Variants in DNAH6 observed in about 807,000 individuals in gnomAD.
DNAH6 encodes the protein dynein axonemal heavy chain 6.
A neutral mutation model predicts 491.4 loss-of-function variants in DNAH6; 340 were observed. The ratio of observed to expected loss-of-function variants is 0.69; its 90% CI spans 0.63 to 0.76. The LOEUF is 0.76. DNAH6 is among the 30% of genes least tolerant of loss of function. The probability of loss-of-function intolerance (pLI) is 0.00; values close to 1 mark genes in which losing one functional copy is unlikely to be tolerated. For synonymous variants in DNAH6, 1,603 were observed against 1,686.1 expected, an observed-to-expected ratio of 0.95 and a Z score of 1.21; for missense variants, 4,443 against 4,972.2, an observed-to-expected ratio of 0.89 and a Z score of 3.20.
At chr2:84,610,729 A>C (rs1397603368) in intron 21 of DNAH6, among the ~76,000 whole-genome samples, 1 of 152,242 alleles carries the variant, frequency 6.6e-6, no homozygotes, top group Non-Finnish European at 1.5e-5. Context: ...AAGAGGGAAA[A>C]GATAACCTGT....
At chr2:84,530,460 A>G (rs1191518831) in intron 4 of DNAH6, among the ~76,000 whole-genome samples, 2 of 152,158 alleles carry the variant, frequency 1.3e-5, no homozygotes, top group Admixed American at 1.3e-4. Flanking sequence ...CTCAAAGGGC[A>G]AAGAGGAGGC....
At chr2:84,721,553 G>A (rs968376298) in intron 59 of DNAH6, among the ~76,000 whole-genome samples, 3 of 152,118 alleles carry the variant, frequency 2.0e-5, no homozygotes, top group Non-Finnish European at 4.4e-5. Flanking sequence ...TATTGGTAGT[G>A]TAAAATACAC....
chr2:84,707,759 G>A (rs1256809509), intron 54 of DNAH6, 43 bp downstream of exon 54: 8 of 1,485,492 alleles, frequency 5.4e-6, no homozygotes, highest in African/African-American at 4.2e-5. Flanking sequence ...AGAAGCAGCT[G>A]AAACTGGAGC....
intron 29 of DNAH6, among the ~76,000 whole-genome samples, chr2:84,630,904 G>A (rs1386905808): frequency 1.3e-5 from 2 of 152,136 alleles, no homozygotes; most frequent in Admixed American, 6.5e-5. Context: ...TTTAAGCTGG[G>A]TGGCATATAC....
intron 37 of DNAH6, among the ~76,000 whole-genome samples, chr2:84,661,368 C>G (rs964035340): frequency 2.0e-5 from 3 of 151,812 alleles, no homozygotes; most frequent in Admixed American, 2.0e-4. Flanking sequence ...ATAAGACATA[C>G]AAACTTTGGA....
intron 70 of DNAH6, among the ~76,000 whole-genome samples, chr2:84,798,934 T>C (rs1678608507): frequency 6.6e-6 from 1 of 151,748 alleles, no homozygotes; most frequent in South Asian, 2.1e-4. Flanking sequence ...AGGAAGAATA[T>C]GGCATAGGTT....
intron 13 of DNAH6, among the ~76,000 whole-genome samples, chr2:84,579,271 GA>G (rs1318641322): frequency 6.6e-6 from 1 of 152,212 alleles, no homozygotes; most frequent in Non-Finnish European, 1.5e-5. Context: ...ATAGGACAAA[GA>G]AGCAGAAAGC....
At chr2:84,548,698 G>A (rs982060450) in intron 8 of DNAH6, among the ~76,000 whole-genome samples, 1 of 152,116 alleles carries the variant, frequency 6.6e-6, no homozygotes, top group Non-Finnish European at 1.5e-5. Context: ...TGTGGGACAT[G>A]GTAACCTGAA....
chr2:84,528,800 T>C, intron 3 of DNAH6, 104 bp from the exon 4 acceptor site: 1 of 1,138,978 alleles, frequency 8.8e-7, no homozygotes, highest in Non-Finnish European at 1.2e-6. Context: ...GCCCTAGACA[T>C]CTCATGCAAT....
chr2:84,816,535 C>A (rs1680502587), intron 76 of DNAH6, among the ~76,000 whole-genome samples: 1 of 152,148 alleles, frequency 6.6e-6, no homozygotes, highest in Admixed American at 6.6e-5. Flanking sequence ...ACTAGCCTGA[C>A]CAACATAGTG....
At chr2:84,628,105 G>T (rs1030319691) in intron 29 of DNAH6, among the ~76,000 whole-genome samples, 8 of 152,032 alleles carry the variant, frequency 5.3e-5, no homozygotes, top group African/African-American at 1.9e-4. Flanking sequence ...TGGCAAAGTG[G>T]GTTCAAGTGA....
chr2:84,478,854 G>A, the DNAH6 span, among the ~76,000 whole-genome samples: 2 of 152,182 alleles, frequency 1.3e-5, no homozygotes, highest in Non-Finnish European at 2.9e-5. Flanking sequence ...ATGAATTGAA[G>A]ATGGTAAATG....
intron 64 of DNAH6, among the ~76,000 whole-genome samples, chr2:84,770,285 G>A (rs908966074): frequency 6.6e-6 from 1 of 152,094 alleles, no homozygotes; most frequent in Non-Finnish European, 1.5e-5. Context: ...TATTCTAAAT[G>A]TCTGCTTTTC....
intron 4 of DNAH6, among the ~76,000 whole-genome samples, chr2:84,540,445 A>G (rs1318056998): frequency 2.0e-5 from 3 of 152,222 alleles, no homozygotes; most frequent in Non-Finnish European, 4.4e-5. Flanking sequence ...AAGGATGAAT[A>G]GAAGCATTTT....
At chr2:84,673,566 A>G in intron 40 of DNAH6, among the ~76,000 whole-genome samples, 1 of 152,216 alleles carries the variant, frequency 6.6e-6, no homozygotes, top group South Asian at 2.1e-4. Context: ...GGAGTTTATT[A>G]AGTATTAACT....
chr2:84,642,653 C>A (rs1689529346), intron 33 of DNAH6, among the ~76,000 whole-genome samples: 1 of 151,808 alleles, frequency 6.6e-6, no homozygotes, highest in Non-Finnish European at 1.5e-5. Context: ...CTAGATTTTG[C>A]AATATACATT....
the DNAH6 span, among the ~76,000 whole-genome samples, chr2:84,491,519 A>G: frequency 6.1e-3 from 926 of 152,324 alleles, 6 homozygotes; most frequent in Non-Finnish European, 8.9e-3. Context: ...AATGAGACAT[A>G]AGTCCAAATC....
rs553087327 is a variant in DNAH6, at chr2:84,815,130, CA to C, written c.12151-726del. On this transcript the variant is annotated intron_variant, in intron 75 of 76. Coordinates refer to ENST00000389394, the MANE Select transcript of DNAH6 (RefSeq NM_001370.2). ...AACCTGCATAAACATATGTGCAGCCCAAAAACAGGAAGTCCCATCCTGCTGC... is the reference window on the plus strand; with the variant it reads ...AACCTGCATAAACATATGTGCAGCCCAAAACAGGAAGTCCCATCCTGCTGC... Among the ~76,000 whole-genome samples the C allele has an allele frequency of 3.9e-5, 6 of 152,270 alleles. No individual in the cohort carries two copies. The East Asian group carries it at 1.2e-3, about 29-fold the overall frequency.
rs111949149 is a variant in DNAH6 at position 84,772,476 on chromosome 2, A to G, written c.10704-9017A>G. 3.0e-3 allele frequency among the ~76,000 whole-genome samples: 463 copies of G among 152,228 alleles called. 4 individuals are homozygous for G. Among genetic ancestry groups the G allele is most frequent in the African/African-American group, 0.011 (451 of 41,580 alleles). ...CTACAAGAGATTCACGTTAGATCCA[A>G]CCAGTGACTAAAAGAGCTGAAGTGG... On this transcript the variant is annotated intron_variant, in intron 64 of 76. Coordinates refer to ENST00000389394, the MANE Select transcript of DNAH6 (RefSeq NM_001370.2).
Sources: gnomAD v4.1 joint callset for allele counts (sites outside exome capture counted in the v4.1 genomes callset) on GRCh38, gnomAD v4.1.1 for gene constraint, MANE v1.5 for transcripts, NCBI Gene and HGNC (gene_info 2026-07-23, HGNC 2026-07-21) for gene names.